Variants in CFI observed in about 807,000 individuals in gnomAD.
CFI encodes C3B/C4B inactivator.
In CFI, 66 loss-of-function variants were observed where a neutral mutation model predicts 78.8. That is an observed-to-expected ratio of 0.84 (90% confidence interval 0.69 to 1.03). The LOEUF is 1.03. Among genes scored for constraint, CFI ranks in the 50% least tolerant of loss-of-function variants. The probability of loss-of-function intolerance (pLI) is 0.00; values close to 1 mark genes in which losing one functional copy is unlikely to be tolerated. For synonymous variants in CFI, 250 were observed against 232.6 expected, an observed-to-expected ratio of 1.07 and a Z score of -0.68; for missense variants, 706 against 704.5, an observed-to-expected ratio of 1.00 and a Z score of -0.02.
the CFI span, among the ~76,000 whole-genome samples, chr4:109,731,181 C>G: frequency 6.6e-6 from 1 of 152,010 alleles, no homozygotes; most frequent in Non-Finnish European, 1.5e-5. Flanking sequence ...CCCATCTCTA[C>G]CAAAAATACA....
At chr4:109,794,659 G>A (rs549138907) in intron 1 of CFI, among the ~76,000 whole-genome samples, 1 of 152,050 alleles carries the variant, frequency 6.6e-6, no homozygotes, top group Non-Finnish European at 1.5e-5. Flanking sequence ...TGGGTGTGGT[G>A]GTGGGCACCT....
At chr4:109,800,326 T>G (rs930792321) in intron 1 of CFI, among the ~76,000 whole-genome samples, 36 of 126,552 alleles carry the variant, frequency 2.8e-4, no homozygotes, top group Admixed American at 1.5e-3. Context: ...TCTCTGTTTT[T>G]TTTTTTTTTT....
At chr4:109,801,672 T>C (rs1224756194) in intron 1 of CFI, among the ~76,000 whole-genome samples, 1 of 152,212 alleles carries the variant, frequency 6.6e-6, no homozygotes, top group East Asian at 1.9e-4. Flanking sequence ...AGCCTTGTAT[T>C]AGTAAAATTC....
chr4:109,789,229 T>C (rs964324161), intron 1 of CFI, among the ~76,000 whole-genome samples: 9 of 151,960 alleles, frequency 5.9e-5, no homozygotes, highest in Admixed American at 4.6e-4. Flanking sequence ...CTAGTACATA[T>C]GTAATTGGAG....
chr4:109,793,656 T>C (rs4698785), intron 1 of CFI: 27,305 of 152,242 alleles, frequency 0.18, 4,655 homozygotes, highest in African/African-American at 0.43. Context: ...GCCTCCCGAG[T>C]AGCTGAGACT....
chr4:109,735,351 A>G, the CFI span, among the ~76,000 whole-genome samples: 4 of 152,208 alleles, frequency 2.6e-5, no homozygotes, highest in Non-Finnish European at 4.4e-5. Flanking sequence ...GGTTTCTTCT[A>G]TATATATGAG....
At chr4:109,773,432 C>T (rs1240386675) in intron 1 of CFI, among the ~76,000 whole-genome samples, 1 of 152,124 alleles carries the variant, frequency 6.6e-6, no homozygotes, top group Non-Finnish European at 1.5e-5. Flanking sequence ...AGGAGAATCG[C>T]TTGAACCTGG....
downstream of CFI, among the ~76,000 whole-genome samples, chr4:109,738,112 C>CT (rs141891533): frequency 7.7e-6 from 1 of 130,256 alleles, no homozygotes; most frequent in Non-Finnish European, 1.6e-5. Flanking sequence ...GAGTACTTTT[C>CT]TTTTTTTTTT....
intron 7 of CFI, among the ~76,000 whole-genome samples, chr4:109,756,977 G>T (rs142227684): frequency 0.24 from 33,744 of 140,358 alleles, 4,723 homozygotes; most frequent in South Asian, 0.37. Flanking sequence ...AAGAAAGAAA[G>T]AAATTCTGAG....
intron 3 of CFI, among the ~76,000 whole-genome samples, chr4:109,762,993 A>C (rs1269158100): frequency 6.6e-6 from 1 of 152,162 alleles, no homozygotes; most frequent in Non-Finnish European, 1.5e-5. Context: ...GAAATAGCCT[A>C]TGGCTTAATT....
downstream of CFI, among the ~76,000 whole-genome samples, chr4:109,736,480 A>T (rs1461691296): frequency 6.6e-6 from 1 of 151,678 alleles, no homozygotes; most frequent in African/African-American, 2.4e-5. Context: ...CAATGGCATT[A>T]ATAGCTTTCA....
rs188324187 is a variant in CFI, at chr4:109,793,770, C to G, written c.57+8145G>C. The G allele has an allele frequency of 7.9e-5, 12 of 152,464 alleles. No homozygotes were observed. The East Asian group carries it at 2.1e-3, about 27-fold the overall frequency. The allele number at this position is 152,464 out of a possible 1,614,324, so 9.4% of individuals were successfully genotyped here. On this transcript the variant is annotated intron_variant, in intron 1 of 12. Transcript: ENST00000394634. ...GAACTCCTGGGCTTAAGCAGTCCTC[C>G]TGCCTCATTCCCCTAAAGTGCTGGG...
At chr4:109,752,213 T>A (rs1725230460) in intron 8 of CFI, among the ~76,000 whole-genome samples, 1 of 152,228 alleles carries the variant, frequency 6.6e-6, no homozygotes, top group South Asian at 2.1e-4. Flanking sequence ...AAAAAGCTTA[T>A]GTATGATTGG....
At chr4:109,736,968 T>C (rs758457233), downstream of CFI, among the ~76,000 whole-genome samples, 1 of 152,204 alleles carries the variant, frequency 6.6e-6, no homozygotes, top group Non-Finnish European at 1.5e-5. Context: ...GGAATTATCC[T>C]AGTCTCAAAT....
chr4:109,732,227 TTGTC>T, the CFI span, among the ~76,000 whole-genome samples: 1 of 152,224 alleles, frequency 6.6e-6, no homozygotes, highest in African/African-American at 2.4e-5. Flanking sequence ...GTAGTTTTCT[TTGTC>T]TGATCTCTCC....
At chr4:109,756,411 G>A (rs568999891) in intron 7 of CFI, among the ~76,000 whole-genome samples, 3 of 150,166 alleles carry the variant, frequency 2.0e-5, no homozygotes, top group South Asian at 2.1e-4. Flanking sequence ...AAAAGAAGAA[G>A]AGAAAAGAGG....
chr4:109,763,332 G>A (rs1164795042), intron 3 of CFI, among the ~76,000 whole-genome samples: 3 of 151,998 alleles, frequency 2.0e-5, no homozygotes, highest in African/African-American at 7.2e-5. Flanking sequence ...AACTAAAGAA[G>A]TAGAAATATA....
intron 1 of CFI, among the ~76,000 whole-genome samples, chr4:109,772,979 T>C (rs935321638): frequency 5.9e-5 from 9 of 152,188 alleles, no homozygotes; most frequent in African/African-American, 2.2e-4. Context: ...AAGATTGCAT[T>C]TTCCCCTTGA....
the CFI span, among the ~76,000 whole-genome samples, chr4:109,732,983 ATT>A: frequency 2.7e-5 from 4 of 149,290 alleles, no homozygotes; most frequent in East Asian, 3.9e-4. Flanking sequence ...TATCATATAA[ATT>A]TTTTTTTTTT....
Sources: gnomAD v4.1 joint callset for allele counts (sites outside exome capture counted in the v4.1 genomes callset) on GRCh38, gnomAD v4.1.1 for gene constraint, MANE v1.5 for transcripts, NCBI Gene and HGNC (gene_info 2026-07-23, HGNC 2026-07-21) for gene names.